The following MCTP2 variants were observed in gnomAD, a reference collection of about 807,000 sequenced individuals.
MCTP2 encodes multiple C2 and transmembrane domain-containing protein 2.
In MCTP2, 132 loss-of-function variants were observed where a neutral mutation model predicts 111.6. The ratio of observed to expected loss-of-function variants is 1.18; its 90% CI spans 1.03 to 1.37. MCTP2 has a LOEUF of 1.37. Among genes scored for constraint, MCTP2 ranks in the 40% most tolerant of loss-of-function variants. MCTP2 has a pLI of 0.00. For missense variants in MCTP2, 1,183 were observed against 1,067.9 expected (o/e 1.11, Z -1.50); for synonymous variants, 395 against 387.7 (o/e 1.02, Z -0.22).
chr15:94,452,441 T>C (rs946673967), intron 19 of MCTP2, among the ~76,000 whole-genome samples: 18 of 152,206 alleles, frequency 1.2e-4, no homozygotes, highest in African/African-American at 4.1e-4. Context: ...AGTTGGGCCT[T>C]CCAGTCATTC....
At chr15:94,435,654 C>T (rs1462845357) in intron 17 of MCTP2, among the ~76,000 whole-genome samples, 6 of 91,316 alleles carry the variant, frequency 6.6e-5, no homozygotes, top group African/African-American at 2.0e-4. Flanking sequence ...TTTTTTGAGA[C>T]GGAGTCTCGC....
At chr15:94,309,446 G>T (rs2076031329) in intron 2 of MCTP2, among the ~76,000 whole-genome samples, 1 of 152,136 alleles carries the variant, frequency 6.6e-6, no homozygotes, top group Non-Finnish European at 1.5e-5. Flanking sequence ...CTGGATGTGG[G>T]TTTATGTTTT....
At chr15:94,257,601 T>TTTTTTTTTTTTTC (rs2072899039) in intron 1 of MCTP2, among the ~76,000 whole-genome samples, 1 of 120,894 alleles carries the variant, frequency 8.3e-6, no homozygotes, top group African/African-American at 3.2e-5. Flanking sequence ...TTTTTTTTTT[T>TTTTTTTTTTTTTC]TTTGAGACGG....
At chr15:94,345,070 T>G in intron 7 of MCTP2, 59 bp from the exon 8 acceptor site, 2 of 1,574,830 alleles carry the variant, frequency 1.3e-6, no homozygotes, top group Non-Finnish European at 8.7e-7. Context: ...TTGATAATGA[T>G]TCTATCTTCC....
intron 1 of MCTP2, among the ~76,000 whole-genome samples, chr15:94,235,081 A>G (rs1404166076): frequency 2.6e-5 from 4 of 152,108 alleles, no homozygotes; most frequent in Admixed American, 2.6e-4. Context: ...GCGAAATCCC[A>G]TCTCTACTAA....
chr15:94,447,966 A>T (rs946938773), intron 19 of MCTP2, among the ~76,000 whole-genome samples: 1 of 152,190 alleles, frequency 6.6e-6, no homozygotes, highest in African/African-American at 2.4e-5. Flanking sequence ...ATTTGATTTA[A>T]TATGGTTTTT....
chr15:94,301,076 G>T (rs1179112457), intron 2 of MCTP2, among the ~76,000 whole-genome samples: 2 of 152,094 alleles, frequency 1.3e-5, no homozygotes, highest in Non-Finnish European at 2.9e-5. Context: ...GGATCATTTG[G>T]TTTTTCCCTT....
intron 16 of MCTP2, among the ~76,000 whole-genome samples, chr15:94,400,801 A>G (rs1348193521): frequency 1.3e-5 from 2 of 152,070 alleles, no homozygotes; most frequent in Admixed American, 6.6e-5. Flanking sequence ...TACATAAAGC[A>G]GTTAAATATA....
At chr15:94,379,541 T>A (rs992878805) in intron 12 of MCTP2, among the ~76,000 whole-genome samples, 4 of 151,786 alleles carry the variant, frequency 2.6e-5, no homozygotes, top group Non-Finnish European at 4.4e-5. Flanking sequence ...TTGTATTGTA[T>A]TGACAGTCTA....
Position 94,483,256 on chromosome 15 carries a change from A to T in MCTP2, c.*4222A>T, listed in dbSNP as rs1336624015. The T allele has an allele frequency of 6.6e-6, 1 of 152,162 alleles. No individual in the cohort carries two copies. Among genetic ancestry groups the T allele is most frequent in the Non-Finnish European group, 1.5e-5 (1 of 68,044 alleles). The allele number at this position is 152,162 out of a possible 1,614,324, so 9.4% of individuals were successfully genotyped here. On this transcript the variant is annotated 3_prime_UTR_variant, in exon 23 of 23. Transcript: ENST00000357742. ...TCTGCACTTATACATTGTTGGTTGG[A>T]GTGTAAATTAGTTCAACCGCTGTGG... is the stretch of plus-strand genomic sequence containing the variant.
At chr15:94,345,580 A>G (rs969449760) in intron 8 of MCTP2, among the ~76,000 whole-genome samples, 14 of 152,326 alleles carry the variant, frequency 9.2e-5, no homozygotes, top group African/African-American at 3.4e-4. Flanking sequence ...CTTTTGAAAA[A>G]GCCATTTATA....
chr15:94,310,099 A>AT lies in MCTP2; in HGVS notation c.466-4182dup, dbSNP rs1309490562. 7.2e-5 allele frequency among the ~76,000 whole-genome samples: 11 copies of AT among 152,358 alleles called. 1 individual carries two copies. In the South Asian group the frequency reaches 1.7e-3, roughly 23 times the overall value. On this transcript the variant is annotated intron_variant, in intron 2 of 22. Transcript: ENST00000357742. ...ATGATGCTTATTAGGTAAACAATCA[A>AT]TAGATAGTACATCCCCAGGATGGAA...
At chr15:94,443,996 A>AAAC (rs1555476110) in intron 19 of MCTP2, among the ~76,000 whole-genome samples, 1 of 149,804 alleles carries the variant, frequency 6.7e-6, no homozygotes, top group Non-Finnish European at 1.5e-5. Flanking sequence ...AAAAAAAAAA[A>AAAC]AAAAAAAAAA....
intron 20 of MCTP2, among the ~76,000 whole-genome samples, chr15:94,458,673 C>T (rs1354726279): frequency 2.6e-5 from 4 of 152,136 alleles, no homozygotes; most frequent in Non-Finnish European, 5.9e-5. Context: ...GAAAGATACA[C>T]ATCTAGTAGC....
intron 1 of MCTP2, among the ~76,000 whole-genome samples, chr15:94,261,424 A>G (rs1308439233): frequency 2.0e-5 from 3 of 152,242 alleles, no homozygotes; most frequent in Non-Finnish European, 4.4e-5. Context: ...TGTGAGTCTT[A>G]GTGACAACTC....
chr15:94,245,366 T>C (rs1302704897), intron 1 of MCTP2, among the ~76,000 whole-genome samples: 1 of 137,388 alleles, frequency 7.3e-6, no homozygotes, highest in African/African-American at 2.6e-5. Flanking sequence ...GTATATATAT[T>C]TACATACATA....
At chr15:94,440,323 C>T in intron 18 of MCTP2, 25 bp downstream of exon 18, 1 of 1,612,480 alleles carries the variant, frequency 6.2e-7, no homozygotes, top group South Asian at 1.1e-5. Flanking sequence ...GGAGTTCTGA[C>T]ATTTGACTGC....
At chr15:94,308,679 CAG>C (rs2075995378) in intron 2 of MCTP2, among the ~76,000 whole-genome samples, 1 of 151,994 alleles carries the variant, frequency 6.6e-6, no homozygotes, top group Non-Finnish European at 1.5e-5. Context: ...ACTAAATATG[CAG>C]AGTTTTAGAG....
chr15:94,411,325 A>G (rs1420696958), intron 17 of MCTP2, among the ~76,000 whole-genome samples: 1 of 134,608 alleles, frequency 7.4e-6, no homozygotes, highest in Admixed American at 7.7e-5. Context: ...GAGCTTTGTC[A>G]TTTGTTTCTA....
Sources: allele counts gnomAD v4.1 joint callset (sites outside exome capture counted in the v4.1 genomes callset), GRCh38; gene constraint gnomAD v4.1.1; transcripts MANE v1.5; gene names NCBI Gene and HGNC (gene_info 2026-07-23, HGNC 2026-07-21).